TEX35: variants seen among roughly 807,000 people sequenced by gnomAD.
The protein encoded by TEX35 is testis expressed 35.
Under a neutral mutation model 31.9 loss-of-function variants are expected in TEX35, and 26 were observed. The observed-to-expected ratio is 0.81, with a 90% CI of 0.60 to 1.13. The LOEUF is 1.13. TEX35 is among the 50% of genes most tolerant of loss of function. The pLI is 0.00. For missense variants in TEX35, 278 were observed against 273.5 expected, an observed-to-expected ratio of 1.02 and a Z score of -0.12; for synonymous variants, 87 against 90.7, an observed-to-expected ratio of 0.96 and a Z score of 0.23.
intron 5 of TEX35, among the ~76,000 whole-genome samples, 192 bp from the exon 6 acceptor site, chr1:178,520,180 C>T (rs558037616): frequency 3.9e-5 from 6 of 152,194 alleles, no homozygotes; most frequent in South Asian, 4.2e-4. Flanking sequence ...CCTGTGCTTT[C>T]GTCTCATTGG....
intron 5 of TEX35, among the ~76,000 whole-genome samples, chr1:178,518,243 CAT>C (rs72217938): frequency 0.19 from 29,444 of 151,938 alleles, 4,763 homozygotes; most frequent in African/African-American, 0.45. Flanking sequence ...CAGTATAAGA[CAT>C]ATAAATGCTC....
At chr1:178,514,790 C>A in intron 3 of TEX35, 22 bp downstream of exon 3, 2 of 1,608,044 alleles carry the variant, frequency 1.2e-6, no homozygotes, top group South Asian at 1.1e-5. Flanking sequence ...AACTTGGAGG[C>A]ATGTCTATAT....
intron 4 of TEX35, 172 bp from the exon 5 acceptor site, chr1:178,516,443 C>T: frequency 1.7e-6 from 1 of 580,222 alleles, no homozygotes; most frequent in Non-Finnish European, 3.1e-6. Context: ...ATGGTGCTTG[C>T]ACCCTAGTCC....
intron 3 of TEX35, 31 bp downstream of exon 3, chr1:178,514,799 A>C: frequency 1.3e-6 from 2 of 1,595,704 alleles, no homozygotes; most frequent in Non-Finnish European, 1.7e-6. Context: ...GCATGTCTAT[A>C]TTCCAAACCA....
At chr1:178,519,358 T>A (rs1650185964) in intron 5 of TEX35, among the ~76,000 whole-genome samples, 1 of 152,042 alleles carries the variant, frequency 6.6e-6, no homozygotes, top group Non-Finnish European at 1.5e-5. Context: ...ACAATGACAG[T>A]GGGGAGATAG....
At chr1:178,513,340 T>C in intron 1 of TEX35, 113 bp downstream of exon 1, 1 of 1,355,184 alleles carries the variant, frequency 7.4e-7, no homozygotes, top group South Asian at 1.2e-5. Context: ...TGGTTTTTCT[T>C]TCTCTGTACT....
intron 5 of TEX35, among the ~76,000 whole-genome samples, chr1:178,518,664 G>A (rs1413981341): frequency 6.6e-6 from 1 of 152,094 alleles, no homozygotes. Flanking sequence ...ATATACCAAA[G>A]GGGTTCATAG....
In TEX35 at chr1:178,522,646, A is replaced by C; in HGVS notation, c.*206A>C. ...CTACCATCTAATAAATAATTGGCCAAGTTCTTTTTTTTTGGAATTTTATTA... is the reference window on the plus strand; with the variant it reads ...CTACCATCTAATAAATAATTGGCCACGTTCTTTTTTTTTGGAATTTTATTA... On this transcript the variant is annotated 3_prime_UTR_variant, in exon 9 of 9. Transcript: ENST00000319416. 2 of 1,240,638 alleles carry C rather than the reference A, an allele frequency of 1.6e-6. 1 individual carries two copies. Among genetic ancestry groups the C allele is most frequent in the Admixed American group, 8.4e-5 (2 of 23,804 alleles). 76.9% of individuals were successfully genotyped at this position (1,240,638 alleles called of 1,614,324 possible).
At chr1:178,518,677 G>T (rs1283809892) in intron 5 of TEX35, among the ~76,000 whole-genome samples, 2 of 152,182 alleles carry the variant, frequency 1.3e-5, no homozygotes, top group South Asian at 4.1e-4. Context: ...GTTCATAGCA[G>T]TTATTTCTGG....
At position 178,521,253 on chromosome 1, in the gene TEX35, A is replaced by C; in HGVS notation, c.575A>C (p.Asn192Thr). The change falls in exon 8 of 9, where the codon AAC becomes ACC. Residue 192 changes from asparagine (N) to threonine (T), a missense_variant. Coordinates refer to ENST00000319416, the MANE Select transcript of TEX35 (RefSeq NM_032126.5). ...EKCLLCALKNNYNRGNIPSEA... is the reference protein window; with the variant it reads ...EKCLLCALKNTYNRGNIPSEA... ...TGTTTGTTGTGTGCTCTAAAGAACA[A>C]CTACAATCGGGGTAGGTAGATTCAT... 1 of 1,614,186 alleles carries C rather than the reference A, an allele frequency of 6.2e-7. No individual in the cohort carries two copies. Among genetic ancestry groups the C allele is most frequent in the Non-Finnish European group, 8.5e-7 (1 of 1,180,036 alleles).
Position 178,521,272 on chromosome 1 carries a change from G to C in TEX35, c.586+8G>C. 5 of 1,614,210 alleles carry C rather than the reference G, an allele frequency of 3.1e-6. No homozygotes were observed. Among genetic ancestry groups the C allele is most frequent in the Non-Finnish European group, 4.2e-6 (5 of 1,180,030 alleles). On this transcript the variant is annotated splice_region_variant and intron_variant, in intron 8 of 8. Coordinates refer to ENST00000319416, the MANE Select transcript of TEX35 (RefSeq NM_032126.5). ...AGAACAACTACAATCGGGGTAGGTA[G>C]ATTCATACAAGATGTGCCTTTTCTC...
At chr1:178,514,288 C>A in intron 2 of TEX35, 5 of 1,454,098 alleles carry the variant, frequency 3.4e-6, no homozygotes, top group Non-Finnish European at 2.8e-6. Context: ...GTTACCTGCT[C>A]TGCTGGGAAT....
In TEX35 at chr1:178,514,892, T is replaced by C. The variant is rs984058845; in HGVS notation, c.159+124T>C. 9 of 787,154 alleles carry C rather than the reference T, an allele frequency of 1.1e-5. No individual in the cohort carries two copies. The African/African-American group carries it at 1.4e-4, about 12-fold the overall frequency. The allele number at this position is 787,154 out of a possible 1,614,324, so 48.8% of individuals were successfully genotyped here. ...CTCTTACATAGGCACAGTGCAATTATCAAAATCCAGAAGTTAACACACAGA... is the reference window on the plus strand; with the variant it reads ...CTCTTACATAGGCACAGTGCAATTACCAAAATCCAGAAGTTAACACACAGA... On this transcript the variant is annotated intron_variant, in intron 3 of 8. Coordinates refer to ENST00000319416, the MANE Select transcript of TEX35 (RefSeq NM_032126.5).
At chr1:178,514,985 A>T (rs906470821) in intron 3 of TEX35, among the ~76,000 whole-genome samples, 2 of 152,256 alleles carry the variant, frequency 1.3e-5, no homozygotes, top group African/African-American at 2.4e-5. Context: ...ATAACAACAG[A>T]AAGGGGACGT....
intron 3 of TEX35, among the ~76,000 whole-genome samples, chr1:178,515,177 G>C (rs1446003024): frequency 2.0e-5 from 3 of 152,116 alleles, no homozygotes; most frequent in Non-Finnish European, 4.4e-5. Flanking sequence ...GCATGATCTA[G>C]GCTCACTGCA....
chr1:178,517,212 CA>C (rs1231091734), intron 5 of TEX35, among the ~76,000 whole-genome samples: 2 of 152,118 alleles, frequency 1.3e-5, no homozygotes, highest in Non-Finnish European at 2.9e-5. Context: ...TTAGCCTTAC[CA>C]GATATTAAAA....
chr1:178,521,548 C>T, intron 8 of TEX35: 1 of 1,405,666 alleles, frequency 7.1e-7, no homozygotes, highest in Non-Finnish European at 9.9e-7. Flanking sequence ...TGCCCTTTCT[C>T]CCCATCCAGT....
At chr1:178,522,238 A>G in intron 8 of TEX35, 87 bp from the exon 9 acceptor site, 2 of 1,473,874 alleles carry the variant, frequency 1.4e-6, no homozygotes, top group East Asian at 5.0e-5. Flanking sequence ...CCTGCTGCTC[A>G]TAGGAACTGG....
chr1:178,520,549 G>T (rs1415941240), intron 6 of TEX35, 113 bp downstream of exon 6: 14 of 1,601,224 alleles, frequency 8.7e-6, no homozygotes, highest in Non-Finnish European at 1.0e-5. Flanking sequence ...AGTTGTCTTT[G>T]CTCCTACTGC....
Sources: allele counts gnomAD v4.1 joint callset (sites outside exome capture counted in the v4.1 genomes callset), GRCh38; gene constraint gnomAD v4.1.1; transcripts MANE v1.5; gene names NCBI Gene and HGNC (gene_info 2026-07-23, HGNC 2026-07-21).